Variants in SCN7A observed in about 807,000 individuals in gnomAD.
The protein encoded by SCN7A is sodium channel protein type 7 subunit alpha.
SCN7A carries 138 observed loss-of-function variants against 155.2 expected under a neutral mutation model. The observed-to-expected ratio is 0.89, with a 90% CI of 0.77 to 1.02. The LOEUF is 1.02. SCN7A is among the 50% of genes least tolerant of loss of function. The pLI, the probability that SCN7A is intolerant of heterozygous loss-of-function variation, is 0.00. For synonymous variants in SCN7A, 693 were observed against 649.0 expected, an observed-to-expected ratio of 1.07 and a Z score of -1.03; for missense variants, 2,058 against 1,986.6, an observed-to-expected ratio of 1.04 and a Z score of -0.68.
Position 166,413,981 on chromosome 2 carries a change from G to GTGTATATA in SCN7A, c.3415-861_3415-860insTATATACA, listed in dbSNP as rs1553513525. Among the ~76,000 whole-genome samples the GTGTATATA allele has an allele frequency of 1.7e-4, 9 of 53,524 alleles. 1 individual carries two copies. The highest frequency in any genetic ancestry group is 5.3e-4 in the South Asian group (1 of 1,904). The allele number at this position is 53,524 out of a possible 152,430, so 35.1% of individuals were successfully genotyped here. Reference sequence around the variant, plus strand: ...CCCCTTTATATATATATGTGTATGTGTATATATATATATATATATATAAAT... The same window carrying GTGTATATA: ...CCCCTTTATATATATATGTGTATGTGTGTATATATATATATATATATATATATATAAAT... On this transcript the variant is annotated intron_variant, in intron 21 of 25. Coordinates refer to ENST00000643258, the MANE Select transcript of SCN7A (RefSeq NM_002976.4).
intron 2 of SCN7A, among the ~76,000 whole-genome samples, chr2:166,484,769 A>C (rs1384507003): frequency 1.3e-5 from 2 of 152,068 alleles, no homozygotes; most frequent in Non-Finnish European, 1.5e-5. Flanking sequence ...ACCAGAAGAC[A>C]GTATAACAGT....
At chr2:166,470,567 C>T (rs1439719214) in intron 7 of SCN7A, 48 bp downstream of exon 7, 5 of 1,477,110 alleles carry the variant, frequency 3.4e-6, no homozygotes, top group Admixed American at 1.9e-5. Flanking sequence ...GAATACATGG[C>T]AGTACATAAA....
chr2:166,483,328 G>A (rs917642762), intron 2 of SCN7A, among the ~76,000 whole-genome samples: 5 of 151,960 alleles, frequency 3.3e-5, no homozygotes, highest in Non-Finnish European at 5.9e-5. Flanking sequence ...TGGACTAGAC[G>A]TTTCTAATTA....
chr2:166,474,818 T>G (rs1275917725), intron 3 of SCN7A, among the ~76,000 whole-genome samples: 1 of 151,606 alleles, frequency 6.6e-6, no homozygotes, highest in Admixed American at 6.6e-5. Context: ...TTCTTAACAA[T>G]TGTCTATGAA....
chr2:166,462,437 G>T lies in SCN7A; in HGVS notation c.1035C>A (p.Ala345=). The change falls in exon 10 of 26, where the codon GCC becomes GCA. Residue 345 remains alanine (A), a synonymous_variant. Coordinates refer to ENST00000643258, the MANE Select transcript of SCN7A (RefSeq NM_002976.4). ...AATCCTGAGCCATTAACCGAAATAG[G>T]GCAAATAAGGCCCAGCCAAAACTGT... is the stretch of plus-strand genomic sequence containing the variant. ...NFDSFGWALF[A]LFRLMAQDYP... 1.9e-6 allele frequency: 3 copies of T among 1,610,016 alleles called. No individual in the cohort carries two copies. The highest frequency in any genetic ancestry group is 2.5e-6 in the Non-Finnish European group (3 of 1,177,966).
In SCN7A at chr2:166,429,186, G is replaced by C. The variant is rs898313454; in HGVS notation, c.2681C>G (p.Ser894Ter). 21 of 1,532,600 alleles carry C rather than the reference G, an allele frequency of 1.4e-5. No homozygotes were observed. The highest frequency in any genetic ancestry group is 1.8e-5 in the Non-Finnish European group (20 of 1,138,990). The allele number at this position is 1,532,600 out of a possible 1,614,324, so 94.9% of individuals were successfully genotyped here. ...TTTCTTACCATTTTTCAGATGCTTT[G>C]ATCTTTCACCTCCATAGAACATTTC... is the stretch of plus-strand genomic sequence containing the variant. ...EEEMFYGGERSKHLKNGCRRG... is the reference protein window; with the variant it reads ...EEEMFYGGER Residue 894 changes from serine (S) to a stop codon, truncating the protein, a stop_gained, in exon 17 of 26, where the codon TCA becomes TGA. Transcript: ENST00000643258. LOFTEE classifies it high-confidence loss of function.
intron 2 of SCN7A, among the ~76,000 whole-genome samples, chr2:166,483,172 A>G (rs1702968685): frequency 6.6e-6 from 1 of 152,034 alleles, no homozygotes; most frequent in Admixed American, 6.6e-5. Context: ...GGAGCAGCAG[A>G]AGTATATGGA....
rs2105381111 is a variant in SCN7A at position 166,416,995 on chromosome 2, A to G, written c.3136-10T>C. The G allele has an allele frequency of 1.3e-6, 2 of 1,546,976 alleles. No homozygotes were observed. Among genetic ancestry groups the G allele is most frequent in the African/African-American group, 1.4e-5 (1 of 72,418 alleles). ...AAGCTCTCACAACCACCTGGTATAT[A>G]TAAAAAATGTAAACTTTAGATAGGA... On this transcript the variant is annotated splice_polypyrimidine_tract_variant and intron_variant, in intron 20 of 25. Coordinates refer to ENST00000643258, the MANE Select transcript of SCN7A (RefSeq NM_002976.4).
chr2:166,472,204 C>A, intron 6 of SCN7A, 113 bp downstream of exon 6: 20 of 992,654 alleles, frequency 2.0e-5, no homozygotes, highest in Admixed American at 6.3e-5. Context: ...TTGAAGTATT[C>A]TTCACTTGCA....
In SCN7A at chr2:166,432,685, T is replaced by C. The variant is rs1439140885; in HGVS notation, c.2225A>G (p.Asn742Ser). The C allele has an allele frequency of 6.2e-7, 1 of 1,602,692 alleles. No homozygotes were observed. Residue 742 changes from asparagine (N) to serine (S), a missense_variant, in exon 16 of 26, where the codon AAT becomes AGT. Coordinates refer to ENST00000643258, the MANE Select transcript of SCN7A (RefSeq NM_002976.4). ...AAGCTGGAGATTTTTTGCTTCATTA[T>C]TCTCTTCAGCTGTTACATCCTTGCA... ...SSCKDVTAEE[N>S]NEAKNLQLAV...
chr2:166,486,110 A>C (rs766253246), intron 2 of SCN7A, among the ~76,000 whole-genome samples: 3 of 152,108 alleles, frequency 2.0e-5, no homozygotes, highest in Non-Finnish European at 2.9e-5. Flanking sequence ...TCTGTTTAAA[A>C]AGTTCCAGAA....
At chr2:166,462,554 C>T (rs2105478117) in intron 9 of SCN7A, 24 bp from the exon 10 acceptor site, 7 of 1,609,428 alleles carry the variant, frequency 4.3e-6, no homozygotes, top group Non-Finnish European at 5.1e-6. Context: ...AGAAAAAAAC[C>T]TGCTTACTAT....
At chr2:166,487,128 T>C (rs558749958) in intron 1 of SCN7A, among the ~76,000 whole-genome samples, 160 bp from the exon 2 acceptor site, 78 of 152,228 alleles carry the variant, frequency 5.1e-4, no homozygotes, top group Non-Finnish European at 9.8e-4. Context: ...AAGTAATGTT[T>C]CCTAAAGTTC....
chr2:166,465,723 C>CT, intron 8 of SCN7A, 58 bp downstream of exon 8: 6 of 1,552,120 alleles, frequency 3.9e-6, no homozygotes, highest in Non-Finnish European at 5.3e-6. Flanking sequence ...TCTGGGAAGA[C>CT]TGCTTTGCCT....
intron 10 of SCN7A, among the ~76,000 whole-genome samples, chr2:166,459,429 T>C (rs542636513): frequency 1.3e-5 from 2 of 152,302 alleles, no homozygotes; most frequent in African/African-American, 2.4e-5. Context: ...ATATTAGCTA[T>C]ACTGTAAACA....
chr2:166,413,981 GTATATATATA>G (rs556351441), intron 21 of SCN7A, among the ~76,000 whole-genome samples: 35 of 53,502 alleles, frequency 6.5e-4, no homozygotes, highest in African/African-American at 2.2e-3. Context: ...ATGTGTATGT[GTATATATATA>G]TATATATATA....
At chr2:166,483,804 C>A (rs571609168) in intron 2 of SCN7A, among the ~76,000 whole-genome samples, 60 of 151,952 alleles carry the variant, frequency 3.9e-4, no homozygotes, top group African/African-American at 1.4e-3. Context: ...TTTATCCTAG[C>A]AATTCAAGCA....
intron 20 of SCN7A, among the ~76,000 whole-genome samples, chr2:166,420,591 T>C (rs1701490636): frequency 6.6e-6 from 1 of 152,054 alleles, no homozygotes; most frequent in Non-Finnish European, 1.5e-5. Context: ...ACCGGCCTTT[T>C]ATAATATTCA....
intron 7 of SCN7A, among the ~76,000 whole-genome samples, chr2:166,468,482 C>T (rs916247156): frequency 1.7e-4 from 26 of 152,002 alleles, no homozygotes; most frequent in African/African-American, 6.3e-4. Context: ...TTTTCTAAAA[C>T]ACAAATAAAA....
Sources: gnomAD v4.1 joint callset for allele counts (sites outside exome capture counted in the v4.1 genomes callset) on GRCh38, gnomAD v4.1.1 for gene constraint, MANE v1.5 for transcripts, NCBI Gene and HGNC (gene_info 2026-07-23, HGNC 2026-07-21) for gene names.